Variants in CELF4 observed in about 807,000 individuals in gnomAD.
The protein encoded by CELF4 is CUG-BP- and ETR-3-like factor 4.
CELF4 carries 18 observed loss-of-function variants against 59.9 expected under a neutral mutation model. The observed-to-expected ratio is 0.30, with a 90% CI of 0.21 to 0.45. CELF4 has a LOEUF of 0.45. CELF4 is among the 20% of genes least tolerant of loss of function. The pLI, the probability that CELF4 is intolerant of heterozygous loss-of-function variation, is 1.00. For missense variants in CELF4, 456 were observed against 689.0 expected, an observed-to-expected ratio of 0.66 and a Z score of 3.79; for synonymous variants, 261 against 267.1, an observed-to-expected ratio of 0.98 and a Z score of 0.22.
At chr18:37,337,970 C>A (rs1297538078) in intron 2 of CELF4, among the ~76,000 whole-genome samples, 1 of 152,238 alleles carries the variant, frequency 6.6e-6, no homozygotes, top group Non-Finnish European at 1.5e-5. Context: ...ACTGTCACCA[C>A]CACCATGTCA....
At chr18:37,414,271 CCT>C (rs2099506680) in intron 2 of CELF4, among the ~76,000 whole-genome samples, 1 of 151,594 alleles carries the variant, frequency 6.6e-6, no homozygotes, top group Non-Finnish European at 1.5e-5. Flanking sequence ...TGCATACATG[CCT>C]CCATCTACCC....
intron 2 of CELF4, among the ~76,000 whole-genome samples, chr18:37,389,273 G>C (rs747735128): frequency 6.6e-6 from 1 of 152,130 alleles, no homozygotes; most frequent in Non-Finnish European, 1.5e-5. Flanking sequence ...AAGCAGCCCA[G>C]CCCTTCCCTG....
chr18:37,503,010 C>T (rs2042924215), intron 1 of CELF4, among the ~76,000 whole-genome samples: 1 of 152,218 alleles, frequency 6.6e-6, no homozygotes. Context: ...CGGGTGGGTG[C>T]ATCATCACAC....
intron 2 of CELF4, among the ~76,000 whole-genome samples, chr18:37,447,899 G>A (rs2099752603): frequency 6.6e-6 from 1 of 152,096 alleles, no homozygotes; most frequent in Non-Finnish European, 1.5e-5. Flanking sequence ...CAGCACCACT[G>A]GGTGACCATC....
intron 3 of CELF4, among the ~76,000 whole-genome samples, chr18:37,319,077 C>T (rs1266616417): frequency 6.6e-6 from 1 of 152,222 alleles, no homozygotes; most frequent in African/African-American, 2.4e-5. Flanking sequence ...CCTACTATCC[C>T]AGCTTTCCTG....
chr18:37,525,412 C>G (rs144371628), intron 1 of CELF4, among the ~76,000 whole-genome samples: 1 of 152,288 alleles, frequency 6.6e-6, no homozygotes, highest in East Asian at 1.9e-4. Flanking sequence ...TCCTGGCGCC[C>G]TTCGGGGTGG....
chr18:37,290,399 G>C (rs577410657), intron 3 of CELF4, among the ~76,000 whole-genome samples: 2 of 152,340 alleles, frequency 1.3e-5, no homozygotes, highest in Non-Finnish European at 2.9e-5. Flanking sequence ...TCAAGGTGGA[G>C]TTTTGTCATT....
chr18:37,344,602 A>G (rs2098180391), intron 2 of CELF4, among the ~76,000 whole-genome samples: 1 of 152,252 alleles, frequency 6.6e-6, no homozygotes, highest in Non-Finnish European at 1.5e-5. Context: ...TGAGCCATGA[A>G]AGCTTGTTCC....
At chr18:37,280,508 A>G (rs1175246023) in intron 3 of CELF4, among the ~76,000 whole-genome samples, 1 of 152,198 alleles carries the variant, frequency 6.6e-6, no homozygotes, top group Non-Finnish European at 1.5e-5. Flanking sequence ...ATGAGAGAAC[A>G]AAGGCCTGAT....
intron 2 of CELF4, among the ~76,000 whole-genome samples, chr18:37,457,475 C>T (rs1445687330): frequency 6.6e-6 from 1 of 152,158 alleles, no homozygotes; most frequent in African/African-American, 2.4e-5. Flanking sequence ...AAGGAGTCTT[C>T]CACCAACCCA....
intron 2 of CELF4, among the ~76,000 whole-genome samples, chr18:37,464,022 G>A (rs1039876505): frequency 1.3e-5 from 2 of 152,060 alleles, no homozygotes; most frequent in African/African-American, 2.4e-5. Flanking sequence ...TCCTGACCCC[G>A]AACTCAGGCT....
At chr18:37,358,878 T>C (rs1310435771) in intron 2 of CELF4, among the ~76,000 whole-genome samples, 1 of 151,990 alleles carries the variant, frequency 6.6e-6, no homozygotes, top group Non-Finnish European at 1.5e-5. Context: ...CTGAGGTAGG[T>C]GGATCATGAG....
At chr18:37,281,816 C>T (rs1364333905) in intron 3 of CELF4, among the ~76,000 whole-genome samples, 5 of 152,324 alleles carry the variant, frequency 3.3e-5, no homozygotes, top group Middle Eastern at 6.8e-3. Flanking sequence ...CCCCAGGGTG[C>T]CTCCTGGATC....
chr18:37,393,741 T>TC (rs201063474), intron 2 of CELF4, among the ~76,000 whole-genome samples: 3,350 of 148,026 alleles, frequency 0.023, 65 homozygotes, highest in Middle Eastern at 0.099. Flanking sequence ...GCAGATTCCT[T>TC]CACCTTTTAA....
chr18:37,506,057 T>C (rs988796164), intron 1 of CELF4, among the ~76,000 whole-genome samples: 42 of 151,316 alleles, frequency 2.8e-4, no homozygotes, highest in South Asian at 8.3e-4. Context: ...GGTTTGTTTC[T>C]CCCCCCTCCC....
intron 3 of CELF4, among the ~76,000 whole-genome samples, chr18:37,279,096 C>T (rs1368511236): frequency 3.9e-5 from 6 of 152,228 alleles, no homozygotes; most frequent in Non-Finnish European, 8.8e-5. Flanking sequence ...GGCCACTGCC[C>T]AGCTGCCTAA....
At chr18:37,318,633 C>A (rs1268496781) in intron 3 of CELF4, among the ~76,000 whole-genome samples, 2 of 129,442 alleles carry the variant, frequency 1.5e-5, no homozygotes, top group African/African-American at 3.1e-5. Flanking sequence ...CTACACCTCC[C>A]CCCCCCCCCA....
At chr18:37,356,263 G>C (rs963762009) in intron 2 of CELF4, among the ~76,000 whole-genome samples, 1 of 152,158 alleles carries the variant, frequency 6.6e-6, no homozygotes, top group Non-Finnish European at 1.5e-5. Flanking sequence ...CTTTTAAAAT[G>C]AAAAACAGTG....
chr18:37,565,657 T>A lies in CELF4; in HGVS notation c.-16A>T. 1 of 1,562,182 alleles carries A rather than the reference T, an allele frequency of 6.4e-7. No homozygotes were observed. Among genetic ancestry groups the A allele is most frequent in the South Asian group, 1.2e-5 (1 of 83,760 alleles). Reference sequence around the variant, plus strand: ...TTATATACATAGAGAAAATCTTCTTTCCTTTTATTCTTTCTCGCTCACACT... The same window carrying A: ...TTATATACATAGAGAAAATCTTCTTACCTTTTATTCTTTCTCGCTCACACT... On this transcript the variant is annotated 5_prime_UTR_variant, in exon 1 of 13. Transcript: ENST00000420428.
Sources: allele counts gnomAD v4.1 joint callset (sites outside exome capture counted in the v4.1 genomes callset), GRCh38; gene constraint gnomAD v4.1.1; transcripts MANE v1.5; gene names NCBI Gene and HGNC (gene_info 2026-07-23, HGNC 2026-07-21).